The following RANBP2 variants were observed in gnomAD, a reference collection of about 807,000 sequenced individuals.
The protein encoded by RANBP2 is RAN binding protein 2.
Under a neutral mutation model 303.6 loss-of-function variants are expected in RANBP2, and 57 were observed. The observed-to-expected ratio is 0.19, with a 90% confidence interval of 0.15 to 0.23. The LOEUF is 0.23. Ranked by LOEUF, RANBP2 falls within the 10% of genes least tolerant of loss-of-function variation. The pLI, the probability that RANBP2 is intolerant of heterozygous loss-of-function variation, is 1.00. For synonymous variants in RANBP2, 1,167 were observed against 1,301.5 expected, an observed-to-expected ratio of 0.90 and a Z score of 2.23; for missense variants, 3,138 against 3,780.8, an observed-to-expected ratio of 0.83 and a Z score of 4.46.
At chr2:108,945,185 C>G in the RANBP2 span, among the ~76,000 whole-genome samples, 1 of 152,070 alleles carries the variant, frequency 6.6e-6, no homozygotes, top group East Asian at 1.9e-4. Context: ...TCAGCCAAGC[C>G]CAGCTTGGGT....
At chr2:108,952,760 G>A in the RANBP2 span, among the ~76,000 whole-genome samples, 1,204 of 152,024 alleles carry the variant, frequency 7.9e-3, 9 homozygotes, top group South Asian at 0.029. Context: ...CTATTTCTTC[G>A]TATGTGTGGT....
chr2:109,772,890 CAT>C, the RANBP2 span, among the ~76,000 whole-genome samples: 3 of 143,562 alleles, frequency 2.1e-5, no homozygotes, highest in Non-Finnish European at 4.5e-5. Context: ...AGTATTCACT[CAT>C]TTTCTGGGTA....
chr2:108,745,772 AG>A (rs1696461744), intron 7 of RANBP2, among the ~76,000 whole-genome samples: 1 of 152,142 alleles, frequency 6.6e-6, no homozygotes, highest in African/African-American at 2.4e-5. Context: ...CTACTCAAAT[AG>A]GACAACATCT....
the RANBP2 span, among the ~76,000 whole-genome samples, chr2:109,297,620 C>T: frequency 6.6e-6 from 1 of 150,942 alleles, no homozygotes; most frequent in South Asian, 2.1e-4. Flanking sequence ...TCAGTACCCT[C>T]TACCCAGGCC....
the RANBP2 span, among the ~76,000 whole-genome samples, chr2:109,270,912 G>T: frequency 6.6e-6 from 1 of 152,242 alleles, no homozygotes; most frequent in African/African-American, 2.4e-5. Context: ...CACAGCATCA[G>T]GAGGGAGACA....
the RANBP2 span, among the ~76,000 whole-genome samples, chr2:109,228,918 G>T: frequency 6.6e-6 from 1 of 152,184 alleles, no homozygotes; most frequent in African/African-American, 2.4e-5. Flanking sequence ...GCCCTCTTTG[G>T]AGGATGGGGT....
chr2:109,718,822 C>T, the RANBP2 span, among the ~76,000 whole-genome samples: 1 of 151,694 alleles, frequency 6.6e-6, no homozygotes, highest in Non-Finnish European at 1.5e-5. Flanking sequence ...CCATCCTGGC[C>T]AACATGGTGA....
the RANBP2 span, among the ~76,000 whole-genome samples, chr2:108,849,737 T>G: frequency 1.3e-5 from 2 of 152,236 alleles, no homozygotes; most frequent in African/African-American, 4.8e-5. Flanking sequence ...CTCCCTTTCC[T>G]TATAGTCTGG....
At chr2:109,712,909 G>A in the RANBP2 span, among the ~76,000 whole-genome samples, 2 of 152,212 alleles carry the variant, frequency 1.3e-5, no homozygotes, top group Admixed American at 1.3e-4. Context: ...GTGCGCCAGA[G>A]CGAGAGTGAG....
chr2:109,023,759 TG>T, the RANBP2 span, among the ~76,000 whole-genome samples: 1 of 152,122 alleles, frequency 6.6e-6, no homozygotes, highest in Non-Finnish European at 1.5e-5. Context: ...CAGTGAGCCT[TG>T]TTTGCCCTAT....
At chr2:108,854,523 A>G in the RANBP2 span, among the ~76,000 whole-genome samples, 4 of 152,162 alleles carry the variant, frequency 2.6e-5, no homozygotes, top group African/African-American at 9.7e-5. Flanking sequence ...TTATTATAAA[A>G]CTTTAAGAGT....
the RANBP2 span, among the ~76,000 whole-genome samples, chr2:109,526,347 G>A: frequency 5.2e-3 from 785 of 152,108 alleles, 7 homozygotes; most frequent in Non-Finnish European, 9.2e-3. Flanking sequence ...TCATTCTGTC[G>A]CCCAAGCTGG....
At chr2:109,449,280 G>A in the RANBP2 span, 14 of 1,610,674 alleles carry the variant, frequency 8.7e-6, no homozygotes, top group African/African-American at 1.7e-4. Context: ...GCCCCACTCG[G>A]TGGTGTCCCC....
the RANBP2 span, among the ~76,000 whole-genome samples, chr2:109,541,314 T>C: frequency 1.3e-5 from 2 of 152,272 alleles, no homozygotes; most frequent in Non-Finnish European, 2.9e-5. Context: ...TAAGACGTTA[T>C]AATTGCTTTA....
At chr2:109,437,382 G>C in the RANBP2 span, among the ~76,000 whole-genome samples, 1 of 151,272 alleles carries the variant, frequency 6.6e-6, no homozygotes, top group African/African-American at 2.4e-5. Context: ...TGTCATGCTC[G>C]TGAACGTCTG....
chr2:108,795,631 T>A, the RANBP2 span, among the ~76,000 whole-genome samples: 7 of 152,352 alleles, frequency 4.6e-5, no homozygotes, highest in East Asian at 1.2e-3. Flanking sequence ...GTAATTACCA[T>A]AGCATTTTAG....
the RANBP2 span, among the ~76,000 whole-genome samples, chr2:109,206,710 G>A: frequency 6.6e-6 from 1 of 152,002 alleles, no homozygotes. Context: ...CAGCTACTCA[G>A]GAGACTGAGG....
At chr2:109,574,647 GAAGTA>G in the RANBP2 span, 1 of 1,606,700 alleles carries the variant, frequency 6.2e-7, no homozygotes, top group South Asian at 1.1e-5. Context: ...TCGGTGAAAT[GAAGTA>G]GAGACACACA....
At chr2:109,459,555 C>T in the RANBP2 span, among the ~76,000 whole-genome samples, 1 of 152,166 alleles carries the variant, frequency 6.6e-6, no homozygotes, top group Non-Finnish European at 1.5e-5. Flanking sequence ...AAGGGATCTC[C>T]TGTATCCCAG....
Sources: allele counts gnomAD v4.1 joint callset (sites outside exome capture counted in the v4.1 genomes callset), GRCh38; gene constraint gnomAD v4.1.1; transcripts MANE v1.5; gene names NCBI Gene and HGNC (gene_info 2026-07-23, HGNC 2026-07-21).